Variants in FTO observed in about 807,000 individuals in gnomAD.
FTO encodes the protein FTO alpha-ketoglutarate dependent dioxygenase.
Under a neutral mutation model 63.9 loss-of-function variants are expected in FTO, and 47 were observed. That is an observed-to-expected ratio of 0.74 (90% confidence interval 0.58 to 0.94). The LOEUF (loss-of-function observed/expected upper bound fraction) is 0.94. Ranked by LOEUF, FTO falls within the 40% of genes least tolerant of loss-of-function variation. The pLI, the probability that FTO is intolerant of heterozygous loss-of-function variation, is 0.00. For synonymous variants in FTO, 207 were observed against 224.4 expected (o/e 0.92, Z 0.69); for missense variants, 562 against 618.1 (o/e 0.91, Z 0.96).
At position 54,041,466 on chromosome 16, in the gene FTO, T is replaced by A. The variant is rs1480021722; in HGVS notation, c.1365-70296T>A. On this transcript the variant is annotated intron_variant, in intron 8 of 8. Transcript: ENST00000471389. ...AGCCAAACCATATCACATGTTAAAC[T>A]TTAAGCAAACTCTCCCTAGTAGACC... Among the ~76,000 whole-genome samples, 9 of 152,140 alleles carry A rather than the reference T, an allele frequency of 5.9e-5. 1 individual carries two copies.
rs755828209 is a variant in FTO at position 53,825,895 on chromosome 16, G to A, written c.155G>A (p.Arg52Gln). 13 of 1,613,874 alleles carry A rather than the reference G, an allele frequency of 8.1e-6. 1 individual carries two copies. The Admixed American group carries it at 8.3e-5, about 10-fold the overall frequency. ...CTGAAATATCCTAAACTAATTCTCC[G>A]AGAAGCCAGCAGTGTATCTGAGGAG... Reference protein sequence around the residue: ...WQLKYPKLILREASSVSEELH... With the variant: ...WQLKYPKLILQEASSVSEELH... Residue 52 changes from arginine (R) to glutamine (Q), a missense_variant, in exon 3 of 9, where the codon CGA becomes CAA. Coordinates refer to ENST00000471389, the MANE Select transcript of FTO (RefSeq NM_001080432.3).
chr16:54,050,117 A>G (rs1275485133), intron 8 of FTO, among the ~76,000 whole-genome samples: 12 of 152,142 alleles, frequency 7.9e-5, no homozygotes, highest in Admixed American at 7.9e-4. Flanking sequence ...CAGTTGACCC[A>G]GTGTGTTCAT....
rs1450165402 is a variant in FTO, at chr16:53,975,906, C to T, written c.1364+41797C>T. Among the ~76,000 whole-genome samples, 3 of 151,822 alleles carry T rather than the reference C, an allele frequency of 2.0e-5. No individual in the cohort carries two copies. In the East Asian group the frequency reaches 5.8e-4, roughly 29 times the overall value. ...CCCTATGAGTAGGTGCTATTATTTC[C>T]CCTAACCTACAGATGAAAACTTTGA... is the stretch of plus-strand genomic sequence containing the variant. On this transcript the variant is annotated intron_variant, in intron 8 of 8. Transcript: ENST00000471389.
chr16:54,020,388 T>C (rs1444690473), intron 8 of FTO, among the ~76,000 whole-genome samples: 1 of 152,192 alleles, frequency 6.6e-6, no homozygotes, highest in Non-Finnish European at 1.5e-5. Context: ...TCCAGTAGGT[T>C]TTCTTGCTGG....
rs1317707876 is a variant in FTO, at chr16:54,120,470, A to G, written c.*8555A>G. The stretch of plus-strand genomic sequence containing the variant: ...CTGCCCTTTGCTCATTTTAATACAG[A>G]GCCTGAGGATAGGAGAGCAGCGTGG... On this transcript the variant is annotated 3_prime_UTR_variant, in exon 9 of 9. Transcript: ENST00000471389. 2 of 152,192 alleles carry G rather than the reference A, an allele frequency of 1.3e-5. No homozygotes were observed. The highest frequency in any genetic ancestry group is 2.9e-5 in the Non-Finnish European group (2 of 68,048). The allele number at this position is 152,192 out of a possible 1,614,324, so 9.4% of individuals were successfully genotyped here. A position where few individuals can be genotyped will look rare whatever the true frequency, so the allele number is the denominator to read the frequency against.
At chr16:53,711,525 T>G (rs548411010) in intron 1 of FTO, 16 of 398,406 alleles carry the variant, frequency 4.0e-5, no homozygotes, top group African/African-American at 3.1e-4. Context: ...GGATCTAACA[T>G]GGCCTAGTAG....
intron 8 of FTO, among the ~76,000 whole-genome samples, chr16:54,054,997 AT>A (rs1284700316): frequency 6.6e-6 from 1 of 152,218 alleles, no homozygotes; most frequent in Admixed American, 6.5e-5. Flanking sequence ...AGGGTGCATT[AT>A]TTACCCAAAA....
chr16:53,944,686 T>G (rs770260290), intron 8 of FTO, among the ~76,000 whole-genome samples: 9 of 152,210 alleles, frequency 5.9e-5, no homozygotes, highest in Non-Finnish European at 5.9e-5. Flanking sequence ...TTTTCTCGTT[T>G]GTTATTTGCC....
chr16:53,973,044 T>C (rs1249761301), intron 8 of FTO, among the ~76,000 whole-genome samples: 4 of 152,134 alleles, frequency 2.6e-5, no homozygotes, highest in Non-Finnish European at 5.9e-5. Context: ...TTGACTCAGC[T>C]CCATACAAAA....
At chr16:53,873,694 T>C in intron 4 of FTO, 92 bp from the exon 5 acceptor site, 1 of 958,174 alleles carries the variant, frequency 1.0e-6, no homozygotes, top group South Asian at 1.4e-5. Flanking sequence ...GGAAGATAGA[T>C]TTACTGTTTA....
At chr16:53,862,098 A>G (rs1263169385) in intron 4 of FTO, among the ~76,000 whole-genome samples, 1 of 152,124 alleles carries the variant, frequency 6.6e-6, no homozygotes, top group Non-Finnish European at 1.5e-5. Context: ...AAATACAACA[A>G]TTAGCCAGGT....
At chr16:53,942,856 C>T (rs543439341) in intron 8 of FTO, among the ~76,000 whole-genome samples, 7 of 152,286 alleles carry the variant, frequency 4.6e-5, no homozygotes, top group African/African-American at 7.2e-5. Flanking sequence ...CTGCTTACTC[C>T]GGCACAGCTG....
At chr16:53,936,636 A>C (rs2082397636) in intron 8 of FTO, among the ~76,000 whole-genome samples, 1 of 152,212 alleles carries the variant, frequency 6.6e-6, no homozygotes, top group African/African-American at 2.4e-5. Context: ...ACAAGGAAAA[A>C]TGTGCTTTGA....
chr16:53,715,926 C>T (rs1405563744), intron 1 of FTO, among the ~76,000 whole-genome samples: 1 of 152,176 alleles, frequency 6.6e-6, no homozygotes, highest in Non-Finnish European at 1.5e-5. Context: ...ACTTGGATTA[C>T]AGGCTGGAGA....
chr16:53,711,494 G>A (rs569503768), intron 1 of FTO: 4 of 398,424 alleles, frequency 1.0e-5, no homozygotes, highest in Middle Eastern at 6.2e-4. Context: ...GTTTTATCAC[G>A]GGAGGACACG....
intron 1 of FTO, among the ~76,000 whole-genome samples, chr16:53,801,047 A>G (rs1292292565): frequency 1.3e-5 from 2 of 152,076 alleles, no homozygotes; most frequent in Non-Finnish European, 2.9e-5. Context: ...AAAAAAATCC[A>G]ATTTGACAGT....
chr16:53,808,836 C>T (rs1250875656), intron 1 of FTO, among the ~76,000 whole-genome samples: 1 of 152,204 alleles, frequency 6.6e-6, no homozygotes, highest in Admixed American at 6.5e-5. Flanking sequence ...TACTGGCTGA[C>T]AGTAGCTTTG....
chr16:53,852,699 C>A (rs1028252903), intron 4 of FTO, among the ~76,000 whole-genome samples: 1 of 152,198 alleles, frequency 6.6e-6, no homozygotes, highest in African/African-American at 2.4e-5. Context: ...GAATACTGCA[C>A]ATGTCAGGTC....
At chr16:53,783,009 T>G (rs2077626079) in intron 1 of FTO, among the ~76,000 whole-genome samples, 1 of 152,194 alleles carries the variant, frequency 6.6e-6, no homozygotes, top group African/African-American at 2.4e-5. Flanking sequence ...GGAATTTCTT[T>G]ACAGAAATCT....
Sources: gnomAD v4.1 joint callset for allele counts (sites outside exome capture counted in the v4.1 genomes callset) on GRCh38, gnomAD v4.1.1 for gene constraint, MANE v1.5 for transcripts, NCBI Gene and HGNC (gene_info 2026-07-23, HGNC 2026-07-21) for gene names.